Variants in ARHGAP28 observed in about 807,000 individuals in gnomAD.
The protein encoded by ARHGAP28 is Rho GTPase activating protein 28, also known as rho GTPase-activating protein 28.
ARHGAP28 carries 56 observed loss-of-function variants against 90.7 expected under a neutral mutation model. That is an observed-to-expected ratio of 0.62 (90% CI 0.50 to 0.77). The LOEUF is 0.77. Ranked by LOEUF, ARHGAP28 falls within the 30% of genes least tolerant of loss-of-function variation. The pLI is 0.00. For synonymous variants in ARHGAP28, 308 were observed against 323.3 expected (o/e 0.95, Z 0.51); for missense variants, 869 against 900.9 (o/e 0.96, Z 0.45).
At chr18:6,865,368 A>G (rs2057030471) in intron 5 of ARHGAP28, among the ~76,000 whole-genome samples, 1 of 152,240 alleles carries the variant, frequency 6.6e-6, no homozygotes, top group Non-Finnish European at 1.5e-5. Context: ...CTGCTGTAAA[A>G]TGCATTGCAT....
At chr18:6,734,221 GACAA>G (rs2055907147) in intron 1 of ARHGAP28, among the ~76,000 whole-genome samples, 1 of 152,166 alleles carries the variant, frequency 6.6e-6, no homozygotes, top group Non-Finnish European at 1.5e-5. Context: ...TGAGACTATT[GACAA>G]ACATACAAAA....
chr18:6,829,186 G>A (rs1299847473), intron 2 of ARHGAP28, among the ~76,000 whole-genome samples: 2 of 152,130 alleles, frequency 1.3e-5, no homozygotes, highest in Non-Finnish European at 2.9e-5. Context: ...AGAAAGACAG[G>A]AAGACACATA....
Position 6,851,853 on chromosome 18 carries a change from A to G in ARHGAP28, c.636+727A>G, listed in dbSNP as rs532434054. Among the ~76,000 whole-genome samples the G allele has an allele frequency of 1.8e-3, 280 of 152,262 alleles. 1 individual carries two copies. Among genetic ancestry groups the G allele is most frequent in the African/African-American group, 6.5e-3 (269 of 41,548 alleles). ...AATGTAAACTAACCTATAGTGGGGGAAAGATAATCATTGATTGGCTCCTGG... is the reference window on the plus strand; with the variant it reads ...AATGTAAACTAACCTATAGTGGGGGGAAGATAATCATTGATTGGCTCCTGG... On this transcript the variant is annotated intron_variant, in intron 4 of 17. Transcript: ENST00000383472.
intron 14 of ARHGAP28, among the ~76,000 whole-genome samples, chr18:6,893,416 C>G (rs1277787718): frequency 6.6e-6 from 1 of 152,162 alleles, no homozygotes; most frequent in African/African-American, 2.4e-5. Flanking sequence ...CTAGTTGAAG[C>G]CTTTGGATTT....
intron 1 of ARHGAP28, chr18:6,789,288 C>T (rs146545133): frequency 1.3e-5 from 2 of 152,278 alleles, no homozygotes; most frequent in African/African-American, 4.8e-5. Context: ...TTTGAAAAGA[C>T]AGGCCGGGTG....
chr18:6,893,825 A>G (rs916980011), intron 14 of ARHGAP28, among the ~76,000 whole-genome samples: 1 of 151,920 alleles, frequency 6.6e-6, no homozygotes, highest in African/African-American at 2.4e-5. Flanking sequence ...AAAGACAAAG[A>G]AATAGTTTTT....
chr18:6,907,204 G>A (rs1328699619), intron 16 of ARHGAP28, among the ~76,000 whole-genome samples: 1 of 152,142 alleles, frequency 6.6e-6, no homozygotes, highest in Non-Finnish European at 1.5e-5. Flanking sequence ...ATTCATTTCT[G>A]GTGGGAATGT....
chr18:6,792,374 A>G (rs187307207), intron 1 of ARHGAP28, among the ~76,000 whole-genome samples: 1 of 152,226 alleles, frequency 6.6e-6, no homozygotes, highest in Non-Finnish European at 1.5e-5. Context: ...AGTACATTGT[A>G]TATCTATATT....
chr18:6,893,146 A>C (rs1648081755), intron 14 of ARHGAP28, among the ~76,000 whole-genome samples: 1 of 152,196 alleles, frequency 6.6e-6, no homozygotes, highest in Non-Finnish European at 1.5e-5. Context: ...AACGTTTTTG[A>C]CATTACACCC....
At chr18:6,782,757 T>C (rs1352751207) in intron 1 of ARHGAP28, among the ~76,000 whole-genome samples, 1 of 151,252 alleles carries the variant, frequency 6.6e-6, no homozygotes, top group Admixed American at 6.6e-5. Context: ...GCCAAGAGAT[T>C]AATTATATAT....
chr18:6,912,175 T>A lies in ARHGAP28; in HGVS notation c.*21T>A. 1 of 1,408,462 alleles carries A rather than the reference T, an allele frequency of 7.1e-7. No homozygotes were observed. Among genetic ancestry groups the A allele is most frequent in the Non-Finnish European group, 9.9e-7 (1 of 1,007,290 alleles). 87.2% of individuals were successfully genotyped at this position (1,408,462 alleles called of 1,614,324 possible). A position where few individuals can be genotyped will look rare whatever the true frequency, so the allele number is the denominator to read the frequency against. On this transcript the variant is annotated 3_prime_UTR_variant, in exon 18 of 18. Transcript: ENST00000383472. ...CTTAAAATATCCTCGAGAGAGCTGC[T>A]ATCATGTATTATATGCCAAAAAGAT...
intron 1 of ARHGAP28, among the ~76,000 whole-genome samples, chr18:6,797,885 C>T (rs1600193266): frequency 6.6e-6 from 1 of 152,126 alleles, no homozygotes; most frequent in Admixed American, 6.5e-5. Context: ...TGGTCTCGAT[C>T]TCCTCACCTT....
intron 1 of ARHGAP28, among the ~76,000 whole-genome samples, chr18:6,743,704 T>A (rs114545626): frequency 0.018 from 2,791 of 152,316 alleles, 87 homozygotes; most frequent in African/African-American, 0.064. Context: ...AAAGTAAATA[T>A]ATCCCCCAGT....
chr18:6,775,331 A>G (rs1600172058), intron 1 of ARHGAP28, among the ~76,000 whole-genome samples: 1 of 152,322 alleles, frequency 6.6e-6, no homozygotes, highest in Middle Eastern at 3.4e-3. Flanking sequence ...GTGTATTTAC[A>G]AAGTGTGTTT....
At chr18:6,848,245 T>C (rs1226085244) in intron 3 of ARHGAP28, among the ~76,000 whole-genome samples, 1 of 152,160 alleles carries the variant, frequency 6.6e-6, no homozygotes, top group Non-Finnish European at 1.5e-5. Context: ...GGGGAGAGTA[T>C]GTCAGCCCTG....
At chr18:6,888,579 A>T (rs1254176528) in intron 12 of ARHGAP28, among the ~76,000 whole-genome samples, 1 of 152,150 alleles carries the variant, frequency 6.6e-6, no homozygotes, top group Non-Finnish European at 1.5e-5. Context: ...TAATTCAATA[A>T]TTTTTCAAAA....
At chr18:6,755,279 C>T (rs531262609) in intron 1 of ARHGAP28, among the ~76,000 whole-genome samples, 3 of 152,226 alleles carry the variant, frequency 2.0e-5, no homozygotes, top group East Asian at 1.9e-4. Context: ...GGAAACATAA[C>T]GTGAGAGAGT....
intron 2 of ARHGAP28, 63 bp downstream of exon 2, chr18:6,825,027 C>A: frequency 7.2e-7 from 1 of 1,385,264 alleles, no homozygotes; most frequent in South Asian, 1.4e-5. Flanking sequence ...CTCTGTTACT[C>A]TGTTCATAGG....
chr18:6,837,038 A>G (rs1477900447), intron 2 of ARHGAP28, among the ~76,000 whole-genome samples, 159 bp from the exon 3 acceptor site: 1 of 152,210 alleles, frequency 6.6e-6, no homozygotes, highest in Non-Finnish European at 1.5e-5. Flanking sequence ...TATTTTAAAA[A>G]TACAGTGCAG....
Sources: allele counts gnomAD v4.1 joint callset (sites outside exome capture counted in the v4.1 genomes callset), GRCh38; gene constraint gnomAD v4.1.1; transcripts MANE v1.5; gene names NCBI Gene and HGNC (gene_info 2026-07-23, HGNC 2026-07-21).